The following MRPL13 variants were observed in gnomAD, a reference collection of about 807,000 sequenced individuals.
The protein encoded by MRPL13 is large ribosomal subunit protein uL13m.
In MRPL13, 33 loss-of-function variants were observed where a neutral mutation model predicts 29.0. The observed-to-expected ratio is 1.14, with a 90% CI of 0.86 to 1.52. The LOEUF (loss-of-function observed/expected upper bound fraction) is 1.52, where lower values mean the gene tolerates loss of function less well. Among genes scored for constraint, MRPL13 ranks in the 40% most tolerant of loss-of-function variants. The pLI is 0.00. For synonymous variants in MRPL13, 77 were observed against 68.4 expected (o/e 1.13, Z -0.62); for missense variants, 227 against 216.7 (o/e 1.05, Z -0.30).
At chr8:120,396,656 AT>A (rs758852780) in intron 6 of MRPL13, among the ~76,000 whole-genome samples, 4 of 152,230 alleles carry the variant, frequency 2.6e-5, no homozygotes, top group Non-Finnish European at 5.9e-5. Context: ...TTATGCAATT[AT>A]AAGATTAACC....
At chr8:120,445,005 G>A in intron 1 of MRPL13, 63 bp downstream of exon 1, 2 of 1,609,226 alleles carry the variant, frequency 1.2e-6, no homozygotes, top group South Asian at 2.2e-5. Context: ...TAATCTGCCG[G>A]AACCAACGCT....
At chr8:120,411,415 G>A (rs1812738476) in intron 6 of MRPL13, among the ~76,000 whole-genome samples, 1 of 152,130 alleles carries the variant, frequency 6.6e-6, no homozygotes, top group African/African-American at 2.4e-5. Flanking sequence ...GAGCCTTGAA[G>A]TAAATGATCA....
At chr8:120,435,919 A>G (rs1251257326) in intron 2 of MRPL13, among the ~76,000 whole-genome samples, 1 of 152,140 alleles carries the variant, frequency 6.6e-6, no homozygotes, top group African/African-American at 2.4e-5. Context: ...ACTGTATGTA[A>G]GTCTTCTTTT....
At chr8:120,424,262 C>A (rs1812906392) in intron 4 of MRPL13, among the ~76,000 whole-genome samples, 2 of 151,916 alleles carry the variant, frequency 1.3e-5, no homozygotes, top group African/African-American at 4.8e-5. Flanking sequence ...ATTCCAATTC[C>A]AATCTTAAAT....
In MRPL13 at chr8:120,443,268, C is replaced by T. The variant is rs779310705; in HGVS notation, c.68G>A (p.Gly23Glu). ...AAGTTTGCCAGGTGGCTGCATTTTC[C>T]CATCTAAGAGATACCATATTCTAGC... ...TFARIWYLLD[G>E]KMQPPGKLAA... Residue 23 changes from glycine (G) to glutamate (E), a missense_variant, in exon 2 of 7, where the codon GGG becomes GAG. Transcript: ENST00000306185. 1 of 1,609,278 alleles carries T rather than the reference C, an allele frequency of 6.2e-7. No homozygotes were observed.
At chr8:120,422,421 A>C (rs1812883576) in intron 4 of MRPL13, among the ~76,000 whole-genome samples, 1 of 151,466 alleles carries the variant, frequency 6.6e-6, no homozygotes, top group Non-Finnish European at 1.5e-5. Flanking sequence ...GCCTTTAGCA[A>C]TATTGGTGAC....
chr8:120,422,692 T>TAAAAAAA (rs1563774563), intron 4 of MRPL13, among the ~76,000 whole-genome samples: 1 of 150,944 alleles, frequency 6.6e-6, no homozygotes, highest in Non-Finnish European at 1.5e-5. Flanking sequence ...ATATTGTTTA[T>TAAAAAAA]AAAAATATTT....
intron 2 of MRPL13, among the ~76,000 whole-genome samples, chr8:120,433,379 C>T (rs144042545): frequency 0.011 from 1,606 of 152,200 alleles, 15 homozygotes; most frequent in Non-Finnish European, 0.018. Context: ...GAGGCTCACA[C>T]GCTAAGTTAC....
In MRPL13 at chr8:120,438,058, T is replaced by C. The variant is rs183054797; in HGVS notation, c.151+5127A>G. On this transcript the variant is annotated intron_variant, in intron 2 of 6. Coordinates refer to ENST00000306185, the MANE Select transcript of MRPL13 (RefSeq NM_014078.6). Reference sequence around the variant, plus strand: ...GACACGAGAAGTTTTGCTAATATGTTACATATTAAATACACTGAAACATGC... The same window carrying C: ...GACACGAGAAGTTTTGCTAATATGTCACATATTAAATACACTGAAACATGC... 2.6e-5 allele frequency among the ~76,000 whole-genome samples: 4 copies of C among 152,318 alleles called. 1 individual carries two copies. Among genetic ancestry groups the C allele is most frequent in the Admixed American group, 2.6e-4 (4 of 15,290 alleles).
At chr8:120,423,036 A>G (rs1008771693) in intron 4 of MRPL13, among the ~76,000 whole-genome samples, 1 of 152,110 alleles carries the variant, frequency 6.6e-6, no homozygotes, top group Non-Finnish European at 1.5e-5. Context: ...ATAAAGAAAT[A>G]TAAGAGTGAA....
intron 4 of MRPL13, among the ~76,000 whole-genome samples, chr8:120,422,031 AT>A (rs1017251342): frequency 6.6e-6 from 1 of 151,712 alleles, no homozygotes; most frequent in African/African-American, 2.4e-5. Context: ...AAAAAATTAA[AT>A]ATTTCCTAAG....
intron 2 of MRPL13, among the ~76,000 whole-genome samples, chr8:120,440,622 A>AAG (rs1813109143): frequency 8.6e-5 from 13 of 151,560 alleles, no homozygotes; most frequent in African/African-American, 1.5e-4. Context: ...AAAAAAAAAA[A>AAG]GGCATAAGGC....
intron 2 of MRPL13, among the ~76,000 whole-genome samples, chr8:120,442,376 G>A (rs1483005029): frequency 6.6e-6 from 1 of 152,046 alleles, no homozygotes; most frequent in East Asian, 1.9e-4. Context: ...AATATTGATA[G>A]CAACATTAAT....
chr8:120,413,273 C>T (rs1057169927), intron 6 of MRPL13, among the ~76,000 whole-genome samples: 1 of 152,166 alleles, frequency 6.6e-6, no homozygotes, highest in African/African-American at 2.4e-5. Flanking sequence ...CTAAATAAGA[C>T]AAACATGTAG....
intron 6 of MRPL13, among the ~76,000 whole-genome samples, chr8:120,406,394 T>A (rs182934349): frequency 6.2e-4 from 95 of 152,236 alleles, no homozygotes; most frequent in African/African-American, 1.5e-3. Context: ...GAACTGAACA[T>A]CAATTTCCCT....
intron 6 of MRPL13, among the ~76,000 whole-genome samples, chr8:120,401,982 G>A (rs1033622668): frequency 6.6e-6 from 1 of 152,126 alleles, no homozygotes; most frequent in African/African-American, 2.4e-5. Flanking sequence ...GCAAACCACT[G>A]CTCAAGGAAA....
In MRPL13 at chr8:120,425,383, A is replaced by G. The variant is rs2130473305; in HGVS notation, c.246-17T>C. On this transcript the variant is annotated splice_polypyrimidine_tract_variant and intron_variant, in intron 3 of 6. Transcript: ENST00000306185. Reference sequence around the variant, plus strand: ...CCTGGGTAGCTGTTAAAAGGAGAAAAGACATTAAAACTGGGCATAGGCTGA... The same window carrying G: ...CCTGGGTAGCTGTTAAAAGGAGAAAGGACATTAAAACTGGGCATAGGCTGA... The G allele has an allele frequency of 1.3e-6, 2 of 1,598,886 alleles. No homozygotes were observed. Among genetic ancestry groups the G allele is most frequent in the Non-Finnish European group, 1.7e-6 (2 of 1,166,764 alleles).
At chr8:120,443,082 A>G in intron 2 of MRPL13, 103 bp downstream of exon 2, 2 of 1,152,988 alleles carry the variant, frequency 1.7e-6, no homozygotes, top group East Asian at 5.7e-5. Context: ...ATCCTCAGGA[A>G]AAATAAAAAG....
At chr8:120,403,034 T>C (rs1206685649) in intron 6 of MRPL13, among the ~76,000 whole-genome samples, 1 of 152,158 alleles carries the variant, frequency 6.6e-6, no homozygotes, top group Non-Finnish European at 1.5e-5. Context: ...AAAAGAACAC[T>C]TTTACACTGT....
Sources: gnomAD v4.1 joint callset for allele counts (sites outside exome capture counted in the v4.1 genomes callset) on GRCh38, gnomAD v4.1.1 for gene constraint, MANE v1.5 for transcripts, NCBI Gene and HGNC (gene_info 2026-07-23, HGNC 2026-07-21) for gene names.